Variants in NLGN1 observed in about 807,000 individuals in gnomAD.
NLGN1 encodes neuroligin 1, also known as neuroligin-1.
Under a neutral mutation model 65.5 loss-of-function variants are expected in NLGN1, and 12 were observed. The ratio of observed to expected loss-of-function variants is 0.18; its 90% CI spans 0.12 to 0.30. The LOEUF (loss-of-function observed/expected upper bound fraction) is 0.30. NLGN1 is among the 10% of genes least tolerant of loss of function. The pLI, the probability that NLGN1 is intolerant of heterozygous loss-of-function variation, is 1.00. For synonymous variants in NLGN1, 350 were observed against 359.5 expected (o/e 0.97, Z 0.30); for missense variants, 750 against 1,007.1 (o/e 0.74, Z 3.46).
rs1748063604 is a variant in NLGN1, at chr3:174,265,887, CGTATATAT to C, written c.647-9417_647-9410del. Among the ~76,000 whole-genome samples, 5 of 136,284 alleles carry C rather than the reference CGTATATAT, an allele frequency of 3.7e-5. No homozygotes were observed. In the Admixed American group the frequency reaches 3.8e-4, roughly 10 times the overall value. The allele number at this position is 136,284 out of a possible 152,430, so 89.4% of individuals were successfully genotyped here. On this transcript the variant is annotated intron_variant, in intron 4 of 6. Transcript: ENST00000457714. ...AGTATTTTGTTATAATATATATATACGTATATATGTATATATGTGTATATATGTATATA... is the reference window on the plus strand; with the variant it reads ...AGTATTTTGTTATAATATATATATACGTATATATGTGTATATATGTATATA...
chr3:173,709,851 G>A (rs1768669508), intron 3 of NLGN1, among the ~76,000 whole-genome samples: 1 of 142,480 alleles, frequency 7.0e-6, no homozygotes, highest in Admixed American at 7.0e-5. Context: ...GCGCCAAATT[G>A]TTCATACAGT....
chr3:173,699,480 T>C (rs898406259), intron 3 of NLGN1, among the ~76,000 whole-genome samples: 1 of 152,348 alleles, frequency 6.6e-6, no homozygotes, highest in Non-Finnish European at 1.5e-5. Flanking sequence ...TGGCCTGATT[T>C]TTCCAGGACA....
intron 3 of NLGN1, among the ~76,000 whole-genome samples, chr3:173,721,423 C>T (rs923142485): frequency 6.6e-6 from 1 of 152,176 alleles, no homozygotes; most frequent in African/African-American, 2.4e-5. Flanking sequence ...CAAGTAAACG[C>T]TATAGATTTT....
intron 2 of NLGN1, among the ~76,000 whole-genome samples, chr3:173,548,865 ATATTCTAG>A (rs1740361968): frequency 1.3e-5 from 2 of 151,976 alleles, no homozygotes; most frequent in South Asian, 4.1e-4. Context: ...GTCCTCTGAC[ATATTCTAG>A]TATTTATTCT....
At chr3:173,632,766 T>G (rs1755888218) in intron 3 of NLGN1, among the ~76,000 whole-genome samples, 1 of 152,012 alleles carries the variant, frequency 6.6e-6, no homozygotes, top group African/African-American at 2.4e-5. Context: ...AGCCAGACAT[T>G]TATGTTTCCC....
chr3:174,192,042 A>C (rs562631326), intron 4 of NLGN1, among the ~76,000 whole-genome samples: 2 of 152,308 alleles, frequency 1.3e-5, no homozygotes, highest in African/African-American at 4.8e-5. Flanking sequence ...ATGCAAAGCC[A>C]ATAAAATTAT....
chr3:173,909,219 T>C (rs1177345632), intron 4 of NLGN1, among the ~76,000 whole-genome samples: 3 of 152,068 alleles, frequency 2.0e-5, no homozygotes, highest in Non-Finnish European at 4.4e-5. Context: ...GGAGGTTCAG[T>C]TAAGATAAAA....
chr3:174,260,622 C>G (rs1746707893), intron 4 of NLGN1, among the ~76,000 whole-genome samples: 1 of 131,694 alleles, frequency 7.6e-6, no homozygotes, highest in Non-Finnish European at 1.6e-5. Context: ...AAATTTTCTC[C>G]CATTTTGTAG....
chr3:173,989,387 A>C (rs1720616113), intron 4 of NLGN1, among the ~76,000 whole-genome samples: 1 of 152,160 alleles, frequency 6.6e-6, no homozygotes, highest in Non-Finnish European at 1.5e-5. Flanking sequence ...TTTGGCCAAA[A>C]TTTCCTCTCC....
intron 4 of NLGN1, among the ~76,000 whole-genome samples, chr3:174,075,944 T>G (rs1740815494): frequency 6.6e-6 from 1 of 152,180 alleles, no homozygotes; most frequent in Non-Finnish European, 1.5e-5. Context: ...GAAGAATCAC[T>G]GTGGGTGTAA....
chr3:174,039,774 G>C (rs1380047090), intron 4 of NLGN1, among the ~76,000 whole-genome samples: 2 of 152,142 alleles, frequency 1.3e-5, no homozygotes, highest in Non-Finnish European at 2.9e-5. Context: ...GTTTGGAATC[G>C]TTTGTGTTTA....
At chr3:173,802,054 T>C (rs1333863394) in intron 3 of NLGN1, among the ~76,000 whole-genome samples, 2 of 152,162 alleles carry the variant, frequency 1.3e-5, no homozygotes, top group East Asian at 3.8e-4. Flanking sequence ...TGTGTATCTT[T>C]GTAAAGGCCA....
intron 2 of NLGN1, among the ~76,000 whole-genome samples, chr3:173,577,467 T>G (rs1372769809): frequency 6.6e-6 from 1 of 152,168 alleles, no homozygotes; most frequent in African/African-American, 2.4e-5. Flanking sequence ...GTACAATTTA[T>G]AAATAAAGGG....
At chr3:173,826,045 A>T (rs564239512) in intron 4 of NLGN1, among the ~76,000 whole-genome samples, 69 of 152,106 alleles carry the variant, frequency 4.5e-4, no homozygotes, top group African/African-American at 1.6e-3. Flanking sequence ...TTAACAACTA[A>T]AAGTGCATTA....
chr3:173,806,483 A>G (rs1294911216), intron 3 of NLGN1, among the ~76,000 whole-genome samples: 2 of 152,142 alleles, frequency 1.3e-5, no homozygotes, highest in East Asian at 1.9e-4. Flanking sequence ...ACGTTTTAAT[A>G]TTGGCATAAA....
chr3:174,089,934 T>A (rs1333290747), intron 4 of NLGN1, among the ~76,000 whole-genome samples: 1 of 151,606 alleles, frequency 6.6e-6, no homozygotes. Flanking sequence ...TTGGCAGACG[T>A]AGGTTTTAGT....
intron 4 of NLGN1, among the ~76,000 whole-genome samples, chr3:174,256,388 GC>G (rs1486323031): frequency 6.6e-6 from 1 of 152,060 alleles, no homozygotes; most frequent in African/African-American, 2.4e-5. Context: ...CTGATTCCTT[GC>G]CCTGCTCATT....
At chr3:173,592,461 A>G (rs527905062) in intron 2 of NLGN1, among the ~76,000 whole-genome samples, 37 of 152,286 alleles carry the variant, frequency 2.4e-4, no homozygotes, top group Admixed American at 9.8e-4. Context: ...TTGCCACACA[A>G]TAGTGGAATT....
In NLGN1 at chr3:174,168,348, A is replaced by T. The variant is rs555121897; in HGVS notation, c.647-106967A>T. On this transcript the variant is annotated intron_variant, in intron 4 of 6. Coordinates refer to ENST00000457714, the Ensembl canonical transcript of NLGN1. ...CTCATCCAGAGATGCTGGCACTTCT[A>T]ATTTTTGTAATTATTTCTATGCAAG... is the stretch of plus-strand genomic sequence containing the variant. 9.2e-5 allele frequency among the ~76,000 whole-genome samples: 14 copies of T among 152,138 alleles called. No homozygotes were observed. The South Asian group carries it at 2.9e-3, about 32-fold the overall frequency.
Sources: allele counts gnomAD v4.1 joint callset (sites outside exome capture counted in the v4.1 genomes callset), GRCh38; gene constraint gnomAD v4.1.1; transcripts MANE v1.5; gene names NCBI Gene and HGNC (gene_info 2026-07-23, HGNC 2026-07-21).